Variants in PTPRJ observed in about 807,000 individuals in gnomAD.
PTPRJ encodes receptor-type tyrosine-protein phosphatase eta.
Under a neutral mutation model 141.3 loss-of-function variants are expected in PTPRJ, and 129 were observed. The observed-to-expected ratio is 0.91, with a 90% CI of 0.79 to 1.06. The LOEUF (loss-of-function observed/expected upper bound fraction) is 1.06. Ranked by LOEUF, PTPRJ falls within the 50% of genes least tolerant of loss-of-function variation. PTPRJ has a pLI of 0.00. For missense variants in PTPRJ, 1,601 were observed against 1,679.7 expected, an observed-to-expected ratio of 0.95 and a Z score of 0.82; for synonymous variants, 610 against 640.5, an observed-to-expected ratio of 0.95 and a Z score of 0.72.
At chr11:48,023,555 A>C (rs747681684) in intron 1 of PTPRJ, among the ~76,000 whole-genome samples, 6 of 152,116 alleles carry the variant, frequency 3.9e-5, no homozygotes, top group Non-Finnish European at 7.4e-5. Flanking sequence ...AGGCCAAGGC[A>C]GGCCAATCGT....
intron 1 of PTPRJ, among the ~76,000 whole-genome samples, chr11:47,996,082 C>G (rs575662659): frequency 1.3e-5 from 2 of 151,820 alleles, no homozygotes; most frequent in African/African-American, 4.8e-5. Flanking sequence ...GCCTGTAATC[C>G]CAGCACTATG....
Position 48,130,709 on chromosome 11 carries a change from T to A in PTPRJ, c.1608T>A (p.Asn536Lys). 1 of 1,605,634 alleles carries A rather than the reference T, an allele frequency of 6.2e-7. No individual in the cohort carries two copies. Among genetic ancestry groups the A allele is most frequent in the East Asian group, 2.2e-5 (1 of 44,564 alleles). ...AAGGGGCATCTCGGACAGTTTGCAA[T>A]AGAACTGGTAAGCAAATAGGCTTTT... Reference protein sequence around the residue: ...GTEGASRTVCNRTVPSAVFDI... With the variant: ...GTEGASRTVCKRTVPSAVFDI... The change falls in exon 8 of 25, where the codon AAT (asparagine) becomes AAA (lysine). Residue 536 changes from asparagine (N) to lysine (K), a missense_variant. Physicochemically the swap from Asn to Lys is moderately conservative, Grantham distance 94 (BLOSUM62 0). Transcript: ENST00000418331.
intron 1 of PTPRJ, among the ~76,000 whole-genome samples, chr11:48,049,016 C>T (rs1361206118): frequency 6.6e-6 from 1 of 152,088 alleles, no homozygotes; most frequent in Non-Finnish European, 1.5e-5. Flanking sequence ...TTGGAATAAA[C>T]CTTCACTTAT....
At chr11:48,124,865 G>A (rs1856797981) in intron 5 of PTPRJ, 103 bp from the exon 6 acceptor site, 3 of 1,054,184 alleles carry the variant, frequency 2.8e-6, no homozygotes, top group Admixed American at 1.8e-5. Flanking sequence ...ACCAACTGTG[G>A]CCACTGTCTG....
intron 18 of PTPRJ, among the ~76,000 whole-genome samples, chr11:48,151,392 A>C (rs1270279867): frequency 1.3e-5 from 2 of 149,056 alleles, no homozygotes; most frequent in African/African-American, 2.5e-5. Flanking sequence ...GACACTAGTC[A>C]TATGGGATTC....
chr11:48,048,756 T>C (rs951652898), intron 1 of PTPRJ, among the ~76,000 whole-genome samples: 1 of 152,182 alleles, frequency 6.6e-6, no homozygotes, highest in African/African-American at 2.4e-5. Flanking sequence ...ATTGTGCCAC[T>C]GCACTCCAGC....
At position 48,163,634 on chromosome 11, in the gene PTPRJ, G is replaced by A. The variant is rs368540476; in HGVS notation, c.3719+16G>A. ...TGCATTGCAGGTACGCAGATGGCAC[G>A]TCACGTGTGACAGATTTCAAATGTC... is the stretch of plus-strand genomic sequence containing the variant. On this transcript the variant is annotated intron_variant, in intron 23 of 24. Coordinates refer to ENST00000418331, the MANE Select transcript of PTPRJ (RefSeq NM_002843.4). The A allele has an allele frequency of 1.9e-5, 31 of 1,603,620 alleles. No individual in the cohort carries two copies. The highest frequency in any genetic ancestry group is 1.9e-4 in the South Asian group (17 of 90,834).
At position 48,053,446 on chromosome 11, in the gene PTPRJ, T is replaced by A. The variant is rs1384194726; in HGVS notation, c.97-56612T>A. Among the ~76,000 whole-genome samples, 5 of 113,778 alleles carry A rather than the reference T, an allele frequency of 4.4e-5. 1 individual carries two copies. The highest frequency in any genetic ancestry group is 8.3e-5 in the Non-Finnish European group (5 of 60,168). 74.6% of individuals were successfully genotyped at this position (113,778 alleles called of 152,430 possible). ...TATGTATAAAATATATATTATATAT[T>A]ATATACTATATATTATATATAATAT... On this transcript the variant is annotated intron_variant, in intron 1 of 24. Coordinates refer to ENST00000418331, the MANE Select transcript of PTPRJ (RefSeq NM_002843.4).
chr11:48,081,922 A>G (rs2134286128), intron 1 of PTPRJ, among the ~76,000 whole-genome samples: 1 of 152,234 alleles, frequency 6.6e-6, no homozygotes, highest in South Asian at 2.1e-4. Context: ...TTCAGGGTAG[A>G]TGTGGTGAAT....
intron 1 of PTPRJ, among the ~76,000 whole-genome samples, chr11:48,108,856 C>T (rs1856365298): frequency 6.6e-6 from 1 of 152,128 alleles, no homozygotes; most frequent in Non-Finnish European, 1.5e-5. Flanking sequence ...GCAAGACTTT[C>T]CCCCTCTGGG....
chr11:48,061,346 G>A (rs145962050), intron 1 of PTPRJ, among the ~76,000 whole-genome samples: 11 of 152,302 alleles, frequency 7.2e-5, no homozygotes, highest in Non-Finnish European at 1.5e-4. Flanking sequence ...CTGACCCTGT[G>A]TTGGCAAATG....
intron 2 of PTPRJ, among the ~76,000 whole-genome samples, chr11:48,112,343 A>G (rs145019182): frequency 2.8e-3 from 431 of 152,164 alleles, no homozygotes; most frequent in African/African-American, 9.8e-3. Context: ...AAATGGGGGA[A>G]TGGAGTTTGG....
At chr11:48,020,989 A>C (rs1000621219) in intron 1 of PTPRJ, among the ~76,000 whole-genome samples, 10 of 151,996 alleles carry the variant, frequency 6.6e-5, no homozygotes, top group Non-Finnish European at 1.3e-4. Context: ...ATTTATTTTT[A>C]TTTTTCTTAC....
In PTPRJ at chr11:48,124,967, G is replaced by C. The variant is rs771526451; in HGVS notation, c.875-1G>C. 6 of 1,613,682 alleles carry C rather than the reference G, an allele frequency of 3.7e-6. No individual in the cohort carries two copies. In the Admixed American group the frequency reaches 1.0e-4, roughly 27 times the overall value. On this transcript the variant is annotated splice_acceptor_variant, in intron 5 of 24. Coordinates refer to ENST00000418331, the MANE Select transcript of PTPRJ (RefSeq NM_002843.4). LOFTEE classifies it high-confidence loss of function. Reference sequence around the variant, plus strand: ...CTTTTTGTCTCCTGTGCTTGAAACAGATGCCAGCAATACAGAGAGAAGCCG... The same window carrying C: ...CTTTTTGTCTCCTGTGCTTGAAACACATGCCAGCAATACAGAGAGAAGCCG...
At chr11:48,143,833 C>T (rs985572429) in intron 12 of PTPRJ, among the ~76,000 whole-genome samples, 10 of 137,070 alleles carry the variant, frequency 7.3e-5, no homozygotes, top group Middle Eastern at 7.4e-3. Flanking sequence ...TCCCCCTCCC[C>T]TCTCCTCCTC....
At chr11:48,128,883 A>G (rs1354373046) in intron 7 of PTPRJ, among the ~76,000 whole-genome samples, 1 of 152,192 alleles carries the variant, frequency 6.6e-6, no homozygotes, top group Non-Finnish European at 1.5e-5. Context: ...ATTCTTATAG[A>G]TGTATTTTGG....
chr11:48,100,110 T>G (rs779635723), intron 1 of PTPRJ, among the ~76,000 whole-genome samples: 1 of 152,128 alleles, frequency 6.6e-6, no homozygotes, highest in Non-Finnish European at 1.5e-5. Flanking sequence ...ATTGAGCTCC[T>G]TGGGTGGAGG....
chr11:48,094,014 A>G (rs1476255140), intron 1 of PTPRJ, among the ~76,000 whole-genome samples: 1 of 152,216 alleles, frequency 6.6e-6, no homozygotes, highest in Non-Finnish European at 1.5e-5. Flanking sequence ...GTTCCCTCCC[A>G]GCCCTTCTTT....
chr11:47,994,049 C>T (rs373958260), intron 1 of PTPRJ, among the ~76,000 whole-genome samples: 11 of 151,858 alleles, frequency 7.2e-5, no homozygotes, highest in East Asian at 2.0e-4. Context: ...TTAGTAGAGA[C>T]GGGGTTTCAC....
Sources: gnomAD v4.1 joint callset for allele counts (sites outside exome capture counted in the v4.1 genomes callset) on GRCh38, gnomAD v4.1.1 for gene constraint, MANE v1.5 for transcripts, NCBI Gene and HGNC (gene_info 2026-07-23, HGNC 2026-07-21) for gene names.